The following FKBP1A variants were observed in gnomAD, a reference collection of about 807,000 sequenced individuals.
FKBP1A encodes the protein peptidyl-prolyl cis-trans isomerase FKBP1A.
Under a neutral mutation model 14.2 loss-of-function variants are expected in FKBP1A, and 5 were observed. The observed-to-expected ratio is 0.35, with a 90% confidence interval of 0.18 to 0.74. The LOEUF (loss-of-function observed/expected upper bound fraction) is 0.74, where lower values mean the gene tolerates loss of function less well. Ranked by LOEUF, FKBP1A falls within the 30% of genes least tolerant of loss-of-function variation. The probability of loss-of-function intolerance (pLI) is 0.56; values close to 1 mark genes in which losing one functional copy is unlikely to be tolerated. For missense variants in FKBP1A, 53 were observed against 138.8 expected, an observed-to-expected ratio of 0.38 and a Z score of 3.10; for synonymous variants, 42 against 49.1, an observed-to-expected ratio of 0.86 and a Z score of 0.60.
intron 2 of FKBP1A, among the ~76,000 whole-genome samples, chr20:1,383,221 TA>T (rs1372386041): frequency 6.6e-6 from 1 of 152,160 alleles, no homozygotes; most frequent in Non-Finnish European, 1.5e-5. Flanking sequence ...TCTACAGACT[TA>T]TGGCTTCACT....
In FKBP1A at chr20:1,376,780, CTCTT is replaced by C. The variant is rs368641100; in HGVS notation, c.86-1181_86-1178del. 1.2e-3 allele frequency: 187 copies of C among 151,870 alleles called. 1 individual carries two copies. In the East Asian group the frequency reaches 0.02, roughly 16 times the overall value. 9.4% of individuals were successfully genotyped at this position (151,870 alleles called of 1,614,324 possible). On this transcript the variant is annotated intron_variant, in intron 2 of 4. Transcript: ENST00000400137. ...ATAAATTATAAACCCAAATACCATGCTCTTTCTATTATTCCAGTTTCCCAGAAGC... is the reference window on the plus strand; with the variant it reads ...ATAAATTATAAACCCAAATACCATGCTCTATTATTCCAGTTTCCCAGAAGC...
In FKBP1A at chr20:1,370,027, A is replaced by T; in HGVS notation, c.*82T>A. 1.3e-6 allele frequency: 2 copies of T among 1,550,154 alleles called. No homozygotes were observed. Among genetic ancestry groups the T allele is most frequent in the East Asian group, 2.4e-5 (1 of 40,918 alleles). Reference sequence around the variant, plus strand: ...GAACATCAGGAAAAGCTCCATATGGATTCATGTGCACATGTCTGGAGGCAC... The same window carrying T: ...GAACATCAGGAAAAGCTCCATATGGTTTCATGTGCACATGTCTGGAGGCAC... On this transcript the variant is annotated 3_prime_UTR_variant, in exon 5 of 5. Coordinates refer to ENST00000400137, the MANE Select transcript of FKBP1A (RefSeq NM_000801.5).
intron 2 of FKBP1A, 60 bp downstream of exon 2, chr20:1,392,774 A>C: frequency 7.5e-7 from 1 of 1,328,898 alleles, no homozygotes. Flanking sequence ...CTCGACGGCC[A>C]GCCGCACCCG....
intron 2 of FKBP1A, among the ~76,000 whole-genome samples, chr20:1,380,771 G>A (rs1206403623): frequency 6.6e-6 from 1 of 152,112 alleles, no homozygotes; most frequent in Non-Finnish European, 1.5e-5. Flanking sequence ...CCCACAATGA[G>A]GAGACTTATC....
chr20:1,392,836 G>A lies in FKBP1A; in HGVS notation c.83C>T (p.Thr28Ile), dbSNP rs2089757550. ...KRGQTCVVHY[T>I]GMLEDGKKFD... ...TCCCCGCTGGGCCCCCGACTCACCG[G>A]TGTAGTGCACCACGCAGGTCTGGCC... Residue 28 changes from threonine (T) to isoleucine (I), a missense_variant and splice_region_variant, in exon 2 of 5, where the codon ACC becomes ATC. Thr to Ile is a moderately conservative substitution (Grantham distance 89). Coordinates refer to ENST00000400137, the MANE Select transcript of FKBP1A (RefSeq NM_000801.5). 1.3e-6 allele frequency: 2 copies of A among 1,525,752 alleles called. No homozygotes were observed. The highest frequency in any genetic ancestry group is 2.6e-5 in the East Asian group (1 of 38,538). The allele number at this position is 1,525,752 out of a possible 1,614,324, so 94.5% of individuals were successfully genotyped here.
chr20:1,381,743 AG>A (rs1313503424), intron 2 of FKBP1A, among the ~76,000 whole-genome samples: 1 of 152,262 alleles, frequency 6.6e-6, no homozygotes, highest in Non-Finnish European at 1.5e-5. Context: ...AGCAACAAAA[AG>A]GAACAAACAA....
Position 1,370,131 on chromosome 20 carries a change from G to A in FKBP1A, c.*37-59C>T, listed in dbSNP as rs1180852571. The A allele has an allele frequency of 3.9e-6, 6 of 1,532,024 alleles. No individual in the cohort carries two copies. In the East Asian group the frequency reaches 7.3e-5, roughly 19 times the overall value. 94.9% of individuals were successfully genotyped at this position (1,532,024 alleles called of 1,614,324 possible). On this transcript the variant is annotated intron_variant, in intron 4 of 4. Coordinates refer to ENST00000400137, the MANE Select transcript of FKBP1A (RefSeq NM_000801.5). ...AACTCAGTGTTCTTTGTGTGCAGTG[G>A]CGACAGCCACGATGCCATCTGCCAC...
At chr20:1,382,847 G>C (rs2089631513) in intron 2 of FKBP1A, among the ~76,000 whole-genome samples, 1 of 152,138 alleles carries the variant, frequency 6.6e-6, no homozygotes, top group Non-Finnish European at 1.5e-5. Flanking sequence ...GTCTCCTCCT[G>C]AACTGAAATC....
intron 2 of FKBP1A, among the ~76,000 whole-genome samples, chr20:1,390,546 T>A (rs2089722981): frequency 6.6e-6 from 1 of 152,162 alleles, no homozygotes; most frequent in African/African-American, 2.4e-5. Flanking sequence ...TTTTCCCTTC[T>A]TAGGACCCAG....
At chr20:1,389,587 T>C (rs1010132319) in intron 2 of FKBP1A, among the ~76,000 whole-genome samples, 1 of 152,214 alleles carries the variant, frequency 6.6e-6, no homozygotes, top group South Asian at 2.1e-4. Context: ...GAGGGGCTCC[T>C]GGTTTTTCTC....
chr20:1,393,031 C>CGACG lies in FKBP1A; in HGVS notation c.-37_-34dup. The CGACG allele has an allele frequency of 1.4e-6, 2 of 1,399,572 alleles. No individual in the cohort carries two copies. The highest frequency in any genetic ancestry group is 1.9e-6 in the Non-Finnish European group (2 of 1,060,830). 86.7% of individuals were successfully genotyped at this position (1,399,572 alleles called of 1,614,324 possible). A position where few individuals can be genotyped will look rare whatever the true frequency, so the allele number is the denominator to read the frequency against. On this transcript the variant is annotated 5_prime_UTR_variant, in exon 1 of 5. Transcript: ENST00000400137. ...GCGGACGCTGAGCGGGCGGGCGGCG[C>CGACG]GACGGGCGGCGTGGACCAACAGCGA... is the stretch of plus-strand genomic sequence containing the variant.
At chr20:1,381,010 ATAG>A (rs1175761888) in intron 2 of FKBP1A, among the ~76,000 whole-genome samples, 1 of 152,254 alleles carries the variant, frequency 6.6e-6, no homozygotes, top group African/African-American at 2.4e-5. Flanking sequence ...TATCAAATTT[ATAG>A]AAGAAAACAT....
In FKBP1A at chr20:1,379,958, G is replaced by A. The variant is rs549278427; in HGVS notation, c.86-4355C>T. 3.9e-5 allele frequency among the ~76,000 whole-genome samples: 6 copies of A among 152,242 alleles called. No homozygotes were observed. Among genetic ancestry groups the A allele is most frequent in the African/African-American group, 1.4e-4 (6 of 41,546 alleles). ...GTTAAGCTGGAATGAGTGTGCATGT[G>A]TAGGAATTATGCTGTTCAGTCTGTA... On this transcript the variant is annotated intron_variant, in intron 2 of 4. Coordinates refer to ENST00000400137, the MANE Select transcript of FKBP1A (RefSeq NM_000801.5). The surrounding 1 kb of genome is among the most constrained non-coding windows in gnomAD (Gnocchi z 4.3).
At position 1,370,337 on chromosome 20, in the gene FKBP1A, C is replaced by T. The variant is rs1032842670; in HGVS notation, c.*37-265G>A. ...TTGCTGAGGACAGCAGGAGGGCTAG[C>T]CACCCATGCTGCTGACAATACAGTT... On this transcript the variant is annotated intron_variant, in intron 4 of 4. Coordinates refer to ENST00000400137, the MANE Select transcript of FKBP1A (RefSeq NM_000801.5). 9 of 985,324 alleles carry T rather than the reference C, an allele frequency of 9.1e-6. No individual in the cohort carries two copies. The Admixed American group carries it at 4.9e-4, about 54-fold the overall frequency. 61.0% of individuals were successfully genotyped at this position (985,324 alleles called of 1,614,324 possible). A position where few individuals can be genotyped will look rare whatever the true frequency, so the allele number is the denominator to read the frequency against.
At chr20:1,385,805 T>A (rs1160216532) in intron 2 of FKBP1A, among the ~76,000 whole-genome samples, 1 of 152,228 alleles carries the variant, frequency 6.6e-6, no homozygotes, top group African/African-American at 2.4e-5. Flanking sequence ...GCCTTTGCAT[T>A]TGCTGTTCTC....
At chr20:1,371,705 G>A in intron 4 of FKBP1A, 3 of 995,040 alleles carry the variant, frequency 3.0e-6, no homozygotes, top group Non-Finnish European at 3.6e-6. Context: ...GAAACACAGG[G>A]TAGAACAAAG....
chr20:1,384,762 G>C (rs528544496), intron 2 of FKBP1A, among the ~76,000 whole-genome samples: 15 of 152,122 alleles, frequency 9.9e-5, no homozygotes, highest in African/African-American at 3.6e-4. Context: ...TTATGAGTGA[G>C]GGGTATGACC....
At chr20:1,380,794 G>A (rs2089609240) in intron 2 of FKBP1A, among the ~76,000 whole-genome samples, 1 of 152,172 alleles carries the variant, frequency 6.6e-6, no homozygotes, top group Admixed American at 6.6e-5. Flanking sequence ...TCAATTGAAA[G>A]CAACCCAGAA....
Position 1,392,967 on chromosome 20 carries a change from C to A in FKBP1A, c.32G>T (p.Gly11Val). 1 of 1,499,674 alleles carries A rather than the reference C, an allele frequency of 6.7e-7. No individual in the cohort carries two copies. Among genetic ancestry groups the A allele is most frequent in the South Asian group, 1.3e-5 (1 of 77,380 alleles). 92.9% of individuals were successfully genotyped at this position (1,499,674 alleles called of 1,614,324 possible). MGVQVETISP[G>V]DGRTFPKRGQ... ...CGCCGCGCGCCACTACTCACCGTCT[C>A]CTGGGGAGATGGTTTCCACCTGCAC... Residue 11 changes from glycine to valine, a missense_variant, in exon 1 of 5, where the codon GGA (glycine) becomes GTA (valine). Gly to Val is a moderately radical substitution (Grantham distance 109). Transcript: ENST00000400137.
Sources: gnomAD v4.1 joint callset for allele counts (sites outside exome capture counted in the v4.1 genomes callset) on GRCh38, gnomAD v4.1.1 for gene constraint, Gnocchi (gnomAD v3.1) non-coding constraint, MANE v1.5 for transcripts, NCBI Gene and HGNC (gene_info 2026-07-23, HGNC 2026-07-21) for gene names.